Variants in LIN7A observed in about 807,000 individuals in gnomAD.
LIN7A encodes the protein protein lin-7 homolog A.
LIN7A carries 25 observed loss-of-function variants against 29.8 expected under a neutral mutation model. The ratio of observed to expected loss-of-function variants is 0.84; its 90% confidence interval spans 0.61 to 1.17. The LOEUF (loss-of-function observed/expected upper bound fraction) is 1.17, where lower values mean the gene tolerates loss of function less well. LIN7A is among the 50% of genes most tolerant of loss of function. The pLI, the probability that LIN7A is intolerant of heterozygous loss-of-function variation, is 0.00. For missense variants in LIN7A, 239 were observed against 287.0 expected, an observed-to-expected ratio of 0.83 and a Z score of 1.21; for synonymous variants, 118 against 107.5, an observed-to-expected ratio of 1.10 and a Z score of -0.60.
chr12:80,923,144 C>T (rs1323665450), intron 1 of LIN7A, among the ~76,000 whole-genome samples: 1 of 152,196 alleles, frequency 6.6e-6, no homozygotes. Flanking sequence ...GGCGAACTTG[C>T]ACTCTTTCTA....
intron 2 of LIN7A, among the ~76,000 whole-genome samples, chr12:80,852,951 T>G (rs1426146835): frequency 6.6e-6 from 1 of 152,140 alleles, no homozygotes; most frequent in Non-Finnish European, 1.5e-5. Flanking sequence ...GTCTTCTACT[T>G]CTTGTCTTGT....
At chr12:80,935,775 C>CTACT in intron 1 of LIN7A, 1 of 511,788 alleles carries the variant, frequency 2.0e-6, no homozygotes, top group Admixed American at 1.9e-5. Flanking sequence ...GTCTCCTGAG[C>CTACT]TACTGCATGT....
chr12:80,930,641 A>C (rs1877849948), intron 1 of LIN7A, among the ~76,000 whole-genome samples: 1 of 152,222 alleles, frequency 6.6e-6, no homozygotes, highest in African/African-American at 2.4e-5. Context: ...TCAATTCATA[A>C]GTTAAAACAG....
At chr12:80,835,603 GA>G (rs1339339916) in intron 4 of LIN7A, among the ~76,000 whole-genome samples, 1 of 152,094 alleles carries the variant, frequency 6.6e-6, no homozygotes, top group East Asian at 1.9e-4. Context: ...TGATTTAAAA[GA>G]AAAAATTTAT....
At chr12:80,896,223 T>C (rs551811094) in intron 1 of LIN7A, among the ~76,000 whole-genome samples, 12 of 152,190 alleles carry the variant, frequency 7.9e-5, no homozygotes, top group African/African-American at 2.9e-4. Flanking sequence ...AGGGCAGAGA[T>C]GCTAAAGTGA....
intron 2 of LIN7A, among the ~76,000 whole-genome samples, chr12:80,888,800 G>A (rs1216160265): frequency 6.6e-6 from 1 of 152,092 alleles, no homozygotes; most frequent in Non-Finnish European, 1.5e-5. Flanking sequence ...TGCTAGAAAG[G>A]CATACCAGCC....
intron 1 of LIN7A, among the ~76,000 whole-genome samples, chr12:80,924,883 C>T (rs1877499019): frequency 6.6e-6 from 1 of 152,182 alleles, no homozygotes; most frequent in Non-Finnish European, 1.5e-5. Flanking sequence ...CCATCTGTAA[C>T]AACTTTTACA....
At chr12:80,928,549 T>A (rs1877727699) in intron 1 of LIN7A, among the ~76,000 whole-genome samples, 1 of 152,134 alleles carries the variant, frequency 6.6e-6, no homozygotes, top group Non-Finnish European at 1.5e-5. Context: ...GGGTTGTTTG[T>A]TTTTTTCTTG....
intron 2 of LIN7A, among the ~76,000 whole-genome samples, chr12:80,881,125 T>C (rs1409680686): frequency 6.8e-6 from 1 of 147,402 alleles, no homozygotes; most frequent in East Asian, 2.0e-4. Flanking sequence ...TTTGGTAAAT[T>C]TCCATCCTTT....
At chr12:80,863,759 C>T (rs1480649363) in intron 2 of LIN7A, among the ~76,000 whole-genome samples, 1 of 152,148 alleles carries the variant, frequency 6.6e-6, no homozygotes, top group Non-Finnish European at 1.5e-5. Context: ...CAACAGACAT[C>T]TCTGGTCCTC....
At chr12:80,834,227 G>T (rs949780006) in intron 4 of LIN7A, among the ~76,000 whole-genome samples, 2 of 152,110 alleles carry the variant, frequency 1.3e-5, no homozygotes, top group East Asian at 1.9e-4. Context: ...TGATAAGATA[G>T]GTTCAGGCTG....
intron 1 of LIN7A, among the ~76,000 whole-genome samples, chr12:80,927,758 T>G (rs994170932): frequency 6.6e-6 from 1 of 152,312 alleles, no homozygotes; most frequent in East Asian, 1.9e-4. Context: ...GTGCACAATG[T>G]GCAGGTTTGT....
rs577174529 is a variant in LIN7A, at chr12:80,797,342, T to C, written c.*385A>G. The stretch of plus-strand genomic sequence containing the variant: ...TGATGCAGTTTGAATTATAGCCTAA[T>C]GAGGGGTTTGCTAATATCTGGAAAA... On this transcript the variant is annotated 3_prime_UTR_variant, in exon 6 of 6. Coordinates refer to ENST00000552864, the MANE Select transcript of LIN7A (RefSeq NM_004664.4). 3 of 152,734 alleles carry C rather than the reference T, an allele frequency of 2.0e-5. No individual in the cohort carries two copies. The highest frequency in any genetic ancestry group is 4.4e-5 in the Non-Finnish European group (3 of 68,044). 9.5% of individuals were successfully genotyped at this position (152,734 alleles called of 1,614,324 possible).
At chr12:80,815,194 T>TAA (rs1871475312) in intron 4 of LIN7A, among the ~76,000 whole-genome samples, 1 of 152,214 alleles carries the variant, frequency 6.6e-6, no homozygotes, top group East Asian at 1.9e-4. Context: ...CTTAACCTAT[T>TAA]ATTTATCTCT....
At chr12:80,860,372 T>C (rs1200715642) in intron 2 of LIN7A, among the ~76,000 whole-genome samples, 1 of 152,244 alleles carries the variant, frequency 6.6e-6, no homozygotes, top group Non-Finnish European at 1.5e-5. Flanking sequence ...TCATTCAAAT[T>C]GCAACACAAA....
At chr12:80,841,384 GAA>G (rs1234294831) in intron 4 of LIN7A, among the ~76,000 whole-genome samples, 3 of 150,752 alleles carry the variant, frequency 2.0e-5, no homozygotes, top group African/African-American at 7.3e-5. Flanking sequence ...AGGAAGGAAG[GAA>G]GGAAGGAAGG....
At chr12:80,803,900 T>A (rs969599923) in intron 5 of LIN7A, among the ~76,000 whole-genome samples, 12 of 152,116 alleles carry the variant, frequency 7.9e-5, no homozygotes, top group African/African-American at 2.9e-4. Context: ...CACAAATATG[T>A]CTGTGAAGTG....
At chr12:80,871,516 C>CT (rs1031289109) in intron 2 of LIN7A, among the ~76,000 whole-genome samples, 8 of 150,946 alleles carry the variant, frequency 5.3e-5, no homozygotes, top group African/African-American at 1.7e-4. Context: ...ACTCATCTTA[C>CT]TTTTTTTTTA....
intron 4 of LIN7A, among the ~76,000 whole-genome samples, chr12:80,844,676 T>C (rs1872976704): frequency 1.3e-5 from 2 of 152,196 alleles, no homozygotes; most frequent in African/African-American, 4.8e-5. Context: ...TTATGTTTAA[T>C]ATAAGTGGAT....
Sources: gnomAD v4.1 joint callset for allele counts (sites outside exome capture counted in the v4.1 genomes callset) on GRCh38, gnomAD v4.1.1 for gene constraint, MANE v1.5 for transcripts, NCBI Gene and HGNC (gene_info 2026-07-23, HGNC 2026-07-21) for gene names.